Variants in DCDC2 observed in about 807,000 individuals in gnomAD.
DCDC2 encodes doublecortin domain-containing protein 2.
In DCDC2, 40 loss-of-function variants were observed where a neutral mutation model predicts 50.2. The ratio of observed to expected loss-of-function variants is 0.80; its 90% CI spans 0.62 to 1.04. DCDC2 has a LOEUF of 1.04. DCDC2 is among the 50% of genes least tolerant of loss of function. The pLI is 0.00. For missense variants in DCDC2, 570 were observed against 581.9 expected (o/e 0.98, Z 0.21); for synonymous variants, 234 against 210.6 (o/e 1.11, Z -0.96).
upstream of DCDC2, among the ~76,000 whole-genome samples, chr6:24,358,777 T>C (rs1484679396): frequency 1.1e-5 from 1 of 89,856 alleles, no homozygotes; most frequent in Admixed American, 2.0e-4. Context: ...TATTTTTATA[T>C]ATAATATATA....
Position 24,297,552 on chromosome 6 carries a change from ATTT to A in DCDC2, c.557+4160_557+4162del, listed in dbSNP as rs547569713. Among the ~76,000 whole-genome samples the A allele has an allele frequency of 4.5e-4, 69 of 152,248 alleles. No individual in the cohort carries two copies. In the South Asian group the frequency reaches 0.014, roughly 30 times the overall value. ...CATTTCTATATTTTTACTTGAATATATTTTATTTCTGTGTGTAAATTTTTTCAT... is the reference window on the plus strand; with the variant it reads ...CATTTCTATATTTTTACTTGAATATATATTTCTGTGTGTAAATTTTTTCAT... On this transcript the variant is annotated intron_variant, in intron 4 of 9. Coordinates refer to ENST00000378454, the MANE Select transcript of DCDC2 (RefSeq NM_016356.5).
intron 7 of DCDC2, among the ~76,000 whole-genome samples, chr6:24,212,095 C>T (rs1051219303): frequency 6.6e-5 from 10 of 152,068 alleles, no homozygotes; most frequent in African/African-American, 1.9e-4. Flanking sequence ...GAGCACAAAC[C>T]GTATTGTGAA....
chr6:24,221,688 G>C (rs1485649794), intron 7 of DCDC2, among the ~76,000 whole-genome samples: 2 of 152,216 alleles, frequency 1.3e-5, no homozygotes, highest in African/African-American at 4.8e-5. Context: ...CTAAGTCCTT[G>C]CCTCACAATT....
chr6:24,338,211 A>C (rs1760092528), intron 2 of DCDC2, among the ~76,000 whole-genome samples: 2 of 152,246 alleles, frequency 1.3e-5, no homozygotes, highest in African/African-American at 2.4e-5. Context: ...GACTAAACAC[A>C]TATCAAAGAA....
chr6:24,334,848 G>A (rs1760027579), intron 2 of DCDC2, among the ~76,000 whole-genome samples: 1 of 152,122 alleles, frequency 6.6e-6, no homozygotes, highest in South Asian at 2.1e-4. Context: ...ATTTGAAACG[G>A]GCTTTCTGGT....
chr6:24,199,058 G>A (rs542697826), intron 8 of DCDC2, among the ~76,000 whole-genome samples: 44 of 152,332 alleles, frequency 2.9e-4, no homozygotes, highest in South Asian at 2.5e-3. Flanking sequence ...GAGCACCTGC[G>A]GGAAGCAGCG....
At chr6:24,191,842 G>T (rs1225358701) in intron 8 of DCDC2, among the ~76,000 whole-genome samples, 2 of 152,146 alleles carry the variant, frequency 1.3e-5, no homozygotes, top group African/African-American at 4.8e-5. Flanking sequence ...CACAAAATTT[G>T]GGAGAGTAAA....
the DCDC2 span, among the ~76,000 whole-genome samples, chr6:24,370,743 CA>C: frequency 1.3e-5 from 2 of 152,006 alleles, no homozygotes. Context: ...GATTCGCATA[CA>C]AAAAAACTGT....
intron 6 of DCDC2, among the ~76,000 whole-genome samples, chr6:24,278,440 C>A (rs1014469503): frequency 4.6e-5 from 7 of 152,104 alleles, no homozygotes; most frequent in African/African-American, 1.4e-4. Context: ...TCATTGGGTT[C>A]TTAATATGTA....
chr6:24,264,745 G>T (rs1302458938), intron 7 of DCDC2, among the ~76,000 whole-genome samples: 3 of 151,244 alleles, frequency 2.0e-5, no homozygotes, highest in African/African-American at 4.9e-5. Flanking sequence ...CAACAAAATG[G>T]CAAGAGTAAG....
chr6:24,227,248 T>C (rs1053075490), intron 7 of DCDC2, among the ~76,000 whole-genome samples: 1 of 152,186 alleles, frequency 6.6e-6, no homozygotes, highest in Non-Finnish European at 1.5e-5. Context: ...ATGCCAGTTT[T>C]GTGACTCAGT....
intron 8 of DCDC2, among the ~76,000 whole-genome samples, chr6:24,201,777 A>G (rs1761594155): frequency 1.3e-5 from 2 of 152,198 alleles, no homozygotes; most frequent in South Asian, 4.1e-4. Context: ...AGAAGAATCA[A>G]ATAGATGCAA....
chr6:24,309,373 A>G (rs1759532165), intron 2 of DCDC2, among the ~76,000 whole-genome samples: 1 of 152,184 alleles, frequency 6.6e-6, no homozygotes. Flanking sequence ...AACAAAAATA[A>G]TAATGATGAT....
rs543249086 is a variant in DCDC2 at position 24,210,373 on chromosome 6, C to G, written c.923-5271G>C. On this transcript the variant is annotated intron_variant, in intron 7 of 9. Transcript: ENST00000378454. ...CTTGGATGTCCAATAGGCACCTCAACCTTAACATGGTCAAAACACAACTCT... is the reference window on the plus strand; with the variant it reads ...CTTGGATGTCCAATAGGCACCTCAAGCTTAACATGGTCAAAACACAACTCT... Among the ~76,000 whole-genome samples, 7 of 152,242 alleles carry G rather than the reference C, an allele frequency of 4.6e-5. No individual in the cohort carries two copies. In the South Asian group the frequency reaches 1.5e-3, roughly 32 times the overall value.
intron 7 of DCDC2, among the ~76,000 whole-genome samples, chr6:24,274,572 A>ATTAAGCT (rs1763306511): frequency 6.9e-6 from 1 of 145,876 alleles, no homozygotes; most frequent in South Asian, 2.2e-4. Context: ...TGCTTGAATT[A>ATTAAGCT]TTAAGCTTTA....
At chr6:24,229,751 G>A (rs1486637986) in intron 7 of DCDC2, among the ~76,000 whole-genome samples, 1 of 152,142 alleles carries the variant, frequency 6.6e-6, no homozygotes, top group Non-Finnish European at 1.5e-5. Flanking sequence ...GAGATACACT[G>A]TAAATGTTTA....
At chr6:24,207,812 C>A (rs1031262718) in intron 7 of DCDC2, among the ~76,000 whole-genome samples, 2 of 152,164 alleles carry the variant, frequency 1.3e-5, no homozygotes, top group Non-Finnish European at 2.9e-5. Flanking sequence ...GCTGTATACA[C>A]CCCCTACACC....
chr6:24,313,575 G>A (rs574470881), intron 2 of DCDC2, among the ~76,000 whole-genome samples: 264 of 152,342 alleles, frequency 1.7e-3, no homozygotes, highest in African/African-American at 5.6e-3. Context: ...AGCTGACAGT[G>A]TGTACATAAC....
At chr6:24,323,426 C>G (rs1260993027) in intron 2 of DCDC2, among the ~76,000 whole-genome samples, 1 of 152,138 alleles carries the variant, frequency 6.6e-6, no homozygotes, top group African/African-American at 2.4e-5. Flanking sequence ...CTAGTAAGAT[C>G]TGTAGATTAG....
Sources: gnomAD v4.1 joint callset for allele counts (sites outside exome capture counted in the v4.1 genomes callset) on GRCh38, gnomAD v4.1.1 for gene constraint, MANE v1.5 for transcripts, NCBI Gene and HGNC (gene_info 2026-07-23, HGNC 2026-07-21) for gene names.